The following MTFMT variants were observed in gnomAD, a reference collection of about 807,000 sequenced individuals.
MTFMT encodes mitochondrial methionyl-tRNA formyltransferase.
In MTFMT, 47 loss-of-function variants were observed where a neutral mutation model predicts 51.8. The ratio of observed to expected loss-of-function variants is 0.91; its 90% CI spans 0.72 to 1.16. The LOEUF (loss-of-function observed/expected upper bound fraction) is 1.16. Among genes scored for constraint, MTFMT ranks in the 50% most tolerant of loss-of-function variants. The pLI, the probability that MTFMT is intolerant of heterozygous loss-of-function variation, is 0.00. For synonymous variants in MTFMT, 196 were observed against 176.7 expected (o/e 1.11, Z -0.87); for missense variants, 512 against 482.3 (o/e 1.06, Z -0.58).
In MTFMT at chr15:65,004,953, AG is replaced by A; in HGVS notation, c.893-18del. 1 of 1,577,698 alleles carries A rather than the reference AG, an allele frequency of 6.3e-7. No homozygotes were observed. ...ATTTTGGATCTGAAGAATGGAAAAA[AG>A]AAAAGATATACAAGAGAAAAAAGCA... On this transcript the variant is annotated intron_variant, in intron 7 of 8. Coordinates refer to ENST00000220058, the MANE Select transcript of MTFMT (RefSeq NM_139242.4).
At chr15:65,004,776 C>T (rs556006342) in intron 8 of MTFMT, 78 bp downstream of exon 8, 747 of 924,624 alleles carry the variant, frequency 8.1e-4, no homozygotes, top group Non-Finnish European at 1.1e-3. Context: ...AAGTGAAGTT[C>T]CAACTAAAAA....
At chr15:65,009,931 G>C (rs1177566165) in intron 6 of MTFMT, among the ~76,000 whole-genome samples, 2 of 152,132 alleles carry the variant, frequency 1.3e-5, no homozygotes, top group Non-Finnish European at 2.9e-5. Flanking sequence ...TGGTATTACA[G>C]GTGTGAGCCA....
At chr15:65,028,057 G>A (rs536393185) in intron 1 of MTFMT, among the ~76,000 whole-genome samples, 1 of 152,198 alleles carries the variant, frequency 6.6e-6, no homozygotes, top group Non-Finnish European at 1.5e-5. Context: ...GGAGTTATGA[G>A]GAGTATGTCC....
chr15:65,012,988 C>A (rs1416720551), intron 6 of MTFMT, among the ~76,000 whole-genome samples: 3 of 151,976 alleles, frequency 2.0e-5, no homozygotes, highest in Non-Finnish European at 4.4e-5. Context: ...TCAATGAATA[C>A]TGGGGTCTTT....
At chr15:65,010,200 G>GT (rs2086252355) in intron 6 of MTFMT, among the ~76,000 whole-genome samples, 1 of 151,860 alleles carries the variant, frequency 6.6e-6, no homozygotes, top group Non-Finnish European at 1.5e-5. Flanking sequence ...GTTTTGTTTT[G>GT]TTTTTTGACA....
chr15:65,008,773 A>G (rs947605176), intron 6 of MTFMT, among the ~76,000 whole-genome samples: 2 of 152,236 alleles, frequency 1.3e-5, no homozygotes, highest in African/African-American at 2.4e-5. Context: ...CGCTTCAATA[A>G]AAGTTCTGAA....
chr15:65,027,161 T>A, intron 1 of MTFMT, 121 bp from the exon 2 acceptor site: 1 of 723,806 alleles, frequency 1.4e-6, no homozygotes, highest in Non-Finnish European at 2.3e-6. Context: ...GCTAAATGAT[T>A]AAAACTAGTG....
chr15:65,008,472 T>C (rs900073761), intron 6 of MTFMT, among the ~76,000 whole-genome samples: 2 of 152,248 alleles, frequency 1.3e-5, no homozygotes, highest in African/African-American at 4.8e-5. Flanking sequence ...TGTAGTTCAA[T>C]CCTCTATTTC....
At chr15:65,021,690 G>C (rs1247674587) in intron 3 of MTFMT, 74 bp from the exon 4 acceptor site, 5 of 1,213,712 alleles carry the variant, frequency 4.1e-6, no homozygotes, top group Non-Finnish European at 5.9e-6. Context: ...CACACAAAAA[G>C]ATACAAGCTG....
At position 65,003,133 on chromosome 15, in the gene MTFMT, A is replaced by C; in HGVS notation, c.1099T>G (p.Phe367Val). Residue 367 changes from phenylalanine (F) to valine (V), a missense_variant, in exon 9 of 9, where the codon TTT (phenylalanine) becomes GTT (valine). Transcript: ENST00000220058. ...TTTGTTGGAAGTCTGAGAGTCTGAA[A>C]TCTGCATTGGCTTGGTTGAGCTTGG... ...NSQAQPSQCR[F>V]QTLRLPTKKK... is the part of the protein sequence containing the mutation. The C allele has an allele frequency of 6.2e-7, 1 of 1,613,426 alleles. No homozygotes were observed. The highest frequency in any genetic ancestry group is 8.5e-7 in the Non-Finnish European group (1 of 1,179,680).
intron 6 of MTFMT, among the ~76,000 whole-genome samples, 152 bp from the exon 7 acceptor site, chr15:65,006,343 A>G (rs1227003674): frequency 1.3e-5 from 2 of 149,658 alleles, no homozygotes; most frequent in Non-Finnish European, 3.0e-5. Flanking sequence ...CGTAAACATG[A>G]CTCTCTACAT....
At chr15:65,024,093 G>T (rs538714432) in intron 2 of MTFMT, among the ~76,000 whole-genome samples, 5 of 152,140 alleles carry the variant, frequency 3.3e-5, no homozygotes, top group Non-Finnish European at 7.4e-5. Flanking sequence ...TTGAGAGGCC[G>T]AGGCGGGCGG....
At chr15:65,016,270 G>T (rs2086321455) in intron 6 of MTFMT, 166 bp downstream of exon 6, 7 of 506,888 alleles carry the variant, frequency 1.4e-5, no homozygotes, top group South Asian at 5.6e-5. Context: ...ACAGCTTAAA[G>T]AATTTTTAAG....
At chr15:65,026,734 C>A in intron 2 of MTFMT, 97 bp downstream of exon 2, 1 of 941,772 alleles carries the variant, frequency 1.1e-6, no homozygotes, top group Non-Finnish European at 1.6e-6. Flanking sequence ...GAAAATATTA[C>A]AGAAAGCATA....
At chr15:65,003,843 C>G (rs565846155) in intron 8 of MTFMT, among the ~76,000 whole-genome samples, 1 of 16,578 alleles carries the variant, frequency 6.0e-5, no homozygotes, top group African/African-American at 1.1e-4. Context: ...GCAACTCCAT[C>G]TCAAAAAAAA....
At chr15:65,012,093 T>C (rs1053454739) in intron 6 of MTFMT, among the ~76,000 whole-genome samples, 5 of 119,194 alleles carry the variant, frequency 4.2e-5, no homozygotes, top group African/African-American at 1.6e-4. Flanking sequence ...TTGAGAATAC[T>C]ATTCTTTCTC....
intron 6 of MTFMT, among the ~76,000 whole-genome samples, chr15:65,007,474 T>G (rs1258139110): frequency 6.6e-6 from 1 of 152,276 alleles, no homozygotes; most frequent in East Asian, 1.9e-4. Flanking sequence ...TGATAGATAT[T>G]TGTTATTTTC....
chr15:65,005,563 T>C (rs1422736832), intron 7 of MTFMT, among the ~76,000 whole-genome samples: 1 of 151,582 alleles, frequency 6.6e-6, no homozygotes, highest in Non-Finnish European at 1.5e-5. Flanking sequence ...GAGCTTAAAA[T>C]GGGATAGGAA....
chr15:65,024,219 G>C (rs376729051), intron 2 of MTFMT, among the ~76,000 whole-genome samples: 4 of 152,144 alleles, frequency 2.6e-5, no homozygotes, highest in East Asian at 1.9e-4. Context: ...CCAGCTACTC[G>C]GAAGGCTGAG....
Sources: allele counts gnomAD v4.1 joint callset (sites outside exome capture counted in the v4.1 genomes callset), GRCh38; gene constraint gnomAD v4.1.1; transcripts MANE v1.5; gene names NCBI Gene and HGNC (gene_info 2026-07-23, HGNC 2026-07-21).